Variants in RSPH3 observed in about 807,000 individuals in gnomAD.
The protein encoded by RSPH3 is radial spoke head 3.
RSPH3 carries 21 observed loss-of-function variants against 43.8 expected under a neutral mutation model. The observed-to-expected ratio is 0.48, with a 90% CI of 0.34 to 0.69. The LOEUF (loss-of-function observed/expected upper bound fraction) is 0.69. Among genes scored for constraint, RSPH3 ranks in the 30% least tolerant of loss-of-function variants. RSPH3 has a pLI of 0.01. For synonymous variants in RSPH3, 173 were observed against 179.8 expected (o/e 0.96, Z 0.30); for missense variants, 487 against 516.0 (o/e 0.94, Z 0.54).
Position 158,999,552 on chromosome 6 carries a change from T to G in RSPH3, c.-2A>C. On this transcript the variant is annotated 5_prime_UTR_variant, in exon 1 of 8. Transcript: ENST00000367069. ...GCGATCAGTCAGCGCTGAGGCCATG[T>G]CCGGGGGCTGACTGCCTCGCTTTCG... is the stretch of plus-strand genomic sequence containing the variant. The G allele has an allele frequency of 6.2e-7, 1 of 1,605,020 alleles. No individual in the cohort carries two copies. Among genetic ancestry groups the G allele is most frequent in the Middle Eastern group, 1.7e-4 (1 of 6,018 alleles).
At chr6:158,992,490 A>AC (rs34324559) in intron 2 of RSPH3, among the ~76,000 whole-genome samples, 33,376 of 132,046 alleles carry the variant, frequency 0.25, 5,103 homozygotes, top group East Asian at 0.43. Context: ...AGACAGGGTT[A>AC]CCCACATTGC....
intron 3 of RSPH3, 78 bp downstream of exon 3, chr6:158,986,202 A>C (rs775810935): frequency 1.4e-6 from 2 of 1,428,812 alleles, no homozygotes; most frequent in Non-Finnish European, 1.9e-6. Flanking sequence ...TAAGTAATAC[A>C]AAGGCCAAAT....
Position 158,983,900 on chromosome 6 carries a change from G to A in RSPH3, c.347-93C>T, listed in dbSNP as rs1778121864. ...CATAATCCCAGCACTTTGGGAGGCC[G>A]AGGAGGGTGCATTACTTGAAGCCAG... On this transcript the variant is annotated intron_variant, in intron 3 of 7. Transcript: ENST00000367069. The A allele has an allele frequency of 2.1e-5, 18 of 853,750 alleles. 1 individual carries two copies. Among genetic ancestry groups the A allele is most frequent in the South Asian group, 1.6e-4 (11 of 67,662 alleles). 52.9% of individuals were successfully genotyped at this position (853,750 alleles called of 1,614,324 possible).
rs756043916 is a variant in RSPH3, at chr6:158,977,761, G to A, written c.1034C>T (p.Pro345Leu). ...THQSPEPEDE[P>L]GGPGAMTESL... is the part of the protein sequence containing the mutation. Reference sequence around the variant, plus strand: ...CTCTGTCATTGCTCCAGGACCACCAGGCTCATCCTCGGGTTCTGGAGACTG... The same window carrying A: ...CTCTGTCATTGCTCCAGGACCACCAAGCTCATCCTCGGGTTCTGGAGACTG... The change falls in exon 8 of 8, where the codon CCT (proline) becomes CTT (leucine). Residue 345 changes from proline (P) to leucine (L), a missense_variant. Physicochemically the swap from Pro to Leu is moderately conservative, Grantham distance 98. Transcript: ENST00000367069. 2 of 1,614,136 alleles carry A rather than the reference G, an allele frequency of 1.2e-6. No individual in the cohort carries two copies. Among genetic ancestry groups the A allele is most frequent in the Admixed American group, 1.7e-5 (1 of 60,020 alleles).
rs1778780969 is a variant in RSPH3, at chr6:158,999,570, C to T, written c.-20G>A. On this transcript the variant is annotated 5_prime_UTR_variant, in exon 1 of 8. Transcript: ENST00000367069. ...GGCCATGTCCGGGGGCTGACTGCCT[C>T]GCTTTCGGTGGAGCTTGGCTTTGAA... 1.2e-6 allele frequency: 2 copies of T among 1,607,328 alleles called. No homozygotes were observed. Among genetic ancestry groups the T allele is most frequent in the Non-Finnish European group, 1.7e-6 (2 of 1,175,156 alleles).
In RSPH3 at chr6:158,989,339, G is replaced by C. The variant is rs1198059965; in HGVS notation, c.205-2918C>G. Among the ~76,000 whole-genome samples the C allele has an allele frequency of 6.6e-6, 1 of 152,088 alleles. No individual in the cohort carries two copies. Among genetic ancestry groups the C allele is most frequent in the African/African-American group, 2.4e-5 (1 of 41,418 alleles). Reference sequence around the variant, plus strand: ...TGGGATTACAGGCATGAGACACTGCGCCCCGACAGAGATCCTTTATCACTA... The same window carrying C: ...TGGGATTACAGGCATGAGACACTGCCCCCCGACAGAGATCCTTTATCACTA... On this transcript the variant is annotated intron_variant, in intron 2 of 7. Coordinates refer to ENST00000367069, the MANE Select transcript of RSPH3 (RefSeq NM_031924.8). This position sits in a 1 kb window ranked among gnomAD's most constrained non-coding sequence, Gnocchi z 4.3.
rs141295722 is a variant in RSPH3, at chr6:158,981,164, A to ATTCAT, written c.697-229_697-228insATGAA. 0.018 allele frequency among the ~76,000 whole-genome samples: 2,704 copies of ATTCAT among 152,352 alleles called. 34 individuals carry two copies. Among genetic ancestry groups the ATTCAT allele is most frequent in the Middle Eastern group, 0.024 (7 of 294 alleles). ...GGAATTTAAGGTAAAACATGTCACT[A>ATTCAT]TTCAAGTAAAATAATTTCAAGACAT... is the stretch of plus-strand genomic sequence containing the variant. On this transcript the variant is annotated intron_variant, in intron 5 of 7. Coordinates refer to ENST00000367069, the MANE Select transcript of RSPH3 (RefSeq NM_031924.8).
chr6:158,999,578 G>C lies in RSPH3; in HGVS notation c.-28C>G, dbSNP rs986680723. 1.2e-5 allele frequency: 19 copies of C among 1,608,286 alleles called. No homozygotes were observed. Among genetic ancestry groups the C allele is most frequent in the Non-Finnish European group, 1.6e-5 (19 of 1,175,842 alleles). On this transcript the variant is annotated 5_prime_UTR_variant, in exon 1 of 8. Transcript: ENST00000367069. ...CCGGGGGCTGACTGCCTCGCTTTCG[G>C]TGGAGCTTGGCTTTGAAGCAGGTGG...
chr6:158,978,220 TA>T, intron 7 of RSPH3, 39 bp downstream of exon 7: 1 of 982,854 alleles, frequency 1.0e-6, no homozygotes. Context: ...TTCTTTCTAC[TA>T]AAAACTTTAG....
intron 2 of RSPH3, among the ~76,000 whole-genome samples, chr6:158,993,009 CT>C (rs1434203399): frequency 6.6e-6 from 1 of 152,124 alleles, no homozygotes; most frequent in Non-Finnish European, 1.5e-5. Flanking sequence ...GGGCCTCTGG[CT>C]AGTGTCTATA....
intron 2 of RSPH3, among the ~76,000 whole-genome samples, chr6:158,988,490 C>T (rs1778303466): frequency 6.6e-6 from 1 of 152,148 alleles, no homozygotes; most frequent in Non-Finnish European, 1.5e-5. Context: ...TGCTCTTGCT[C>T]AATTCCCTCT....
chr6:158,978,309 T>C lies in RSPH3; in HGVS notation c.897A>G (p.Glu299=). The change falls in exon 7 of 8, where the codon GAA becomes GAG. Residue 299 remains glutamate (E), a synonymous_variant. Transcript: ENST00000367069. The part of the protein sequence containing the change: ...EIGFLPWLMN[E]VEKTMEYSMV... ...TGCTATATTCCATGGTTTTTTCAACTTCATTCATTAGCCATGGAAGAAATC... is the reference window on the plus strand; with the variant it reads ...TGCTATATTCCATGGTTTTTTCAACCTCATTCATTAGCCATGGAAGAAATC... The C allele has an allele frequency of 6.3e-7, 1 of 1,576,572 alleles. No individual in the cohort carries two copies. Among genetic ancestry groups the C allele is most frequent in the Non-Finnish European group, 8.7e-7 (1 of 1,147,552 alleles).
chr6:158,992,251 C>A (rs1383580331), intron 2 of RSPH3, among the ~76,000 whole-genome samples: 1 of 151,962 alleles, frequency 6.6e-6, no homozygotes, highest in Non-Finnish European at 1.5e-5. Context: ...CACTGAGCTT[C>A]CCTCAATTCC....
At position 158,977,273 on chromosome 6, in the gene RSPH3, T is replaced by A; in HGVS notation, c.*265A>T. 2.5e-6 allele frequency: 1 copy of A among 407,268 alleles called. No homozygotes were observed. Among genetic ancestry groups the A allele is most frequent in the Non-Finnish European group, 4.3e-6 (1 of 232,480 alleles). The allele number at this position is 407,268 out of a possible 1,614,324, so 25.2% of individuals were successfully genotyped here. On this transcript the variant is annotated 3_prime_UTR_variant, in exon 8 of 8. Coordinates refer to ENST00000367069, the MANE Select transcript of RSPH3 (RefSeq NM_031924.8). The stretch of plus-strand genomic sequence containing the variant: ...GAAAAATATATTTGCTGGTTACATA[T>A]AATGGTAATAGAAAGCTAGTAATTA...
At chr6:158,970,885 T>C (rs1583692826), downstream of RSPH3, among the ~76,000 whole-genome samples, 1 of 152,156 alleles carries the variant, frequency 6.6e-6, no homozygotes, top group African/African-American at 2.4e-5. Context: ...TTATCACCAC[T>C]GCACTCTCAA....
intron 3 of RSPH3, among the ~76,000 whole-genome samples, chr6:158,985,170 C>A (rs570139130): frequency 6.6e-6 from 1 of 152,186 alleles, no homozygotes; most frequent in Non-Finnish European, 1.5e-5. Context: ...GAGACAAGTA[C>A]GCAAATCCTG....
chr6:158,974,390 TTTC>T lies in RSPH3; in HGVS notation c.*3145_*3147del, dbSNP rs1436909925. ...CCATCTGAATGTTAATAGTACCCAT[TTTC>T]TTCTATGCTGGAAGAGTTTTATGTT... On this transcript the variant is annotated 3_prime_UTR_variant, in exon 8 of 8. Coordinates refer to ENST00000367069, the MANE Select transcript of RSPH3 (RefSeq NM_031924.8). 1 of 152,220 alleles carries T rather than the reference TTTC, an allele frequency of 6.6e-6. No homozygotes were observed. Among genetic ancestry groups the T allele is most frequent in the African/African-American group, 2.4e-5 (1 of 41,460 alleles). 9.4% of individuals were successfully genotyped at this position (152,220 alleles called of 1,614,324 possible).
At chr6:158,997,428 T>C (rs1449755950) in intron 1 of RSPH3, among the ~76,000 whole-genome samples, 1 of 151,948 alleles carries the variant, frequency 6.6e-6, no homozygotes, top group African/African-American at 2.4e-5. Flanking sequence ...CATGCCACCA[T>C]GCCCGGCTAC....
At chr6:158,966,283 TG>T in the RSPH3 span, among the ~76,000 whole-genome samples, 2 of 152,200 alleles carry the variant, frequency 1.3e-5, no homozygotes, top group Non-Finnish European at 2.9e-5. Context: ...TAAAGGATAT[TG>T]GTCTACAGTT....
Sources: gnomAD v4.1 joint callset for allele counts (sites outside exome capture counted in the v4.1 genomes callset) on GRCh38, gnomAD v4.1.1 for gene constraint, Gnocchi (gnomAD v3.1) non-coding constraint, MANE v1.5 for transcripts, NCBI Gene and HGNC (gene_info 2026-07-23, HGNC 2026-07-21) for gene names.